Variants in IQCK observed in about 807,000 individuals in gnomAD.
IQCK encodes the protein IQ domain-containing protein K.
IQCK carries 29 observed loss-of-function variants against 28.1 expected under a neutral mutation model. That is an observed-to-expected ratio of 1.03 (90% confidence interval 0.77 to 1.41). The LOEUF (loss-of-function observed/expected upper bound fraction) is 1.41, where lower values mean the gene tolerates loss of function less well. Ranked by LOEUF, IQCK falls within the 40% of genes most tolerant of loss-of-function variation. The probability of loss-of-function intolerance (pLI) is 0.00; values close to 1 mark genes in which losing one functional copy is unlikely to be tolerated. For missense variants in IQCK, 359 were observed against 314.7 expected, an observed-to-expected ratio of 1.14 and a Z score of -1.07; for synonymous variants, 113 against 115.1, an observed-to-expected ratio of 0.98 and a Z score of 0.12.
At chr16:19,779,963 C>T (rs1597552137) in intron 6 of IQCK, among the ~76,000 whole-genome samples, 2 of 151,592 alleles carry the variant, frequency 1.3e-5, no homozygotes, top group African/African-American at 2.4e-5. Flanking sequence ...GTGATCCACC[C>T]GTCTCGGCCT....
At chr16:19,792,828 C>T (rs1303500473) in intron 7 of IQCK, among the ~76,000 whole-genome samples, 2 of 114,614 alleles carry the variant, frequency 1.7e-5, no homozygotes, top group Non-Finnish European at 3.1e-5. Flanking sequence ...ATCCACCTGC[C>T]TCGGCTTCCC....
intron 6 of IQCK, among the ~76,000 whole-genome samples, chr16:19,764,658 C>T (rs889120727): frequency 6.6e-6 from 1 of 150,414 alleles, no homozygotes; most frequent in Non-Finnish European, 1.5e-5. Flanking sequence ...GCTGCTCTGT[C>T]TATGGAGTAG....
intron 9 of IQCK, among the ~76,000 whole-genome samples, chr16:19,853,094 G>A (rs184189792): frequency 1.0e-3 from 154 of 152,252 alleles, no homozygotes; most frequent in African/African-American, 3.3e-3. Flanking sequence ...CCCAGTACAC[G>A]TATGGAAGGG....
intron 1 of IQCK, among the ~76,000 whole-genome samples, chr16:19,730,203 G>A (rs772497421): frequency 1.3e-5 from 2 of 152,144 alleles, no homozygotes; most frequent in Non-Finnish European, 2.9e-5. Flanking sequence ...TGATCCTCCT[G>A]CCTCGGCCTC....
At chr16:19,842,304 T>C (rs1451319220) in intron 9 of IQCK, among the ~76,000 whole-genome samples, 1 of 151,228 alleles carries the variant, frequency 6.6e-6, no homozygotes, top group South Asian at 2.1e-4. Context: ...TGGAGAAATA[T>C]TTGTTTGAGA....
intron 7 of IQCK, among the ~76,000 whole-genome samples, chr16:19,808,350 G>C (rs534626621): frequency 6.6e-6 from 1 of 152,260 alleles, no homozygotes; most frequent in African/African-American, 2.4e-5. Context: ...TATTTGCTCA[G>C]TCACAATGTA....
intron 9 of IQCK, among the ~76,000 whole-genome samples, chr16:19,840,550 A>G (rs2056352915): frequency 6.6e-6 from 1 of 152,232 alleles, no homozygotes; most frequent in Non-Finnish European, 1.5e-5. Flanking sequence ...AATAATAAAA[A>G]GGAGTGTTTG....
At chr16:19,826,616 G>T (rs2032890904) in intron 7 of IQCK, among the ~76,000 whole-genome samples, 1 of 152,198 alleles carries the variant, frequency 6.6e-6, no homozygotes, top group Non-Finnish European at 1.5e-5. Flanking sequence ...GACCTCAGGT[G>T]ATCTGCCAGC....
At chr16:19,844,272 G>T (rs2056391641) in intron 9 of IQCK, among the ~76,000 whole-genome samples, 2 of 152,072 alleles carry the variant, frequency 1.3e-5, no homozygotes, top group Admixed American at 1.3e-4. Flanking sequence ...TAGTGACAGG[G>T]TTTCACTATG....
intron 4 of IQCK, among the ~76,000 whole-genome samples, chr16:19,743,584 G>A (rs1055588816): frequency 6.6e-6 from 1 of 152,226 alleles, no homozygotes; most frequent in Non-Finnish European, 1.5e-5. Flanking sequence ...ATCTTTGGAG[G>A]TGGATGCTAT....
At chr16:19,719,452 G>A (rs546211918) in intron 1 of IQCK, among the ~76,000 whole-genome samples, 3 of 151,646 alleles carry the variant, frequency 2.0e-5, no homozygotes, top group Non-Finnish European at 4.4e-5. Flanking sequence ...TTATCTGGGC[G>A]TGGTGGTGTG....
chr16:19,825,815 G>T lies in IQCK; in HGVS notation c.691-1211G>T, dbSNP rs1161464714. 6.6e-6 allele frequency among the ~76,000 whole-genome samples: 1 copy of T among 152,124 alleles called. No individual in the cohort carries two copies. Among genetic ancestry groups the T allele is most frequent in the Non-Finnish European group, 1.5e-5 (1 of 68,040 alleles). On this transcript the variant is annotated intron_variant, in intron 7 of 7. Transcript: ENST00000564186. This position sits in a 1 kb window ranked among gnomAD's most constrained non-coding sequence, Gnocchi z 4.2. Reference sequence around the variant, plus strand: ...AATCTCAACGTCTAGCACAAAAGTTGGTATGAAGTAAGCAGTCAGTGTTAA... The same window carrying T: ...AATCTCAACGTCTAGCACAAAAGTTTGTATGAAGTAAGCAGTCAGTGTTAA...
rs548042554 is a variant in IQCK, at chr16:19,821,487, G to A, written c.691-5539G>A. ...GACCGAGGCGGGTGGATCACCTGAG[G>A]TCAGGAGTTCAAGACCAGCCTGGCC... On this transcript the variant is annotated intron_variant, in intron 7 of 7. Coordinates refer to ENST00000564186, the Ensembl canonical transcript of IQCK. 2.6e-5 allele frequency among the ~76,000 whole-genome samples: 4 copies of A among 152,200 alleles called. No individual in the cohort carries two copies. In the South Asian group the frequency reaches 8.3e-4, roughly 32 times the overall value.
At chr16:19,768,731 G>A (rs2055277544) in intron 6 of IQCK, among the ~76,000 whole-genome samples, 1 of 152,140 alleles carries the variant, frequency 6.6e-6, no homozygotes, top group Non-Finnish European at 1.5e-5. Flanking sequence ...GGGTGACAGA[G>A]TGAGACTCCA....
chr16:19,778,124 GT>G, intron 6 of IQCK, among the ~76,000 whole-genome samples: 1 of 152,268 alleles, frequency 6.6e-6, no homozygotes, highest in Admixed American at 6.5e-5. Flanking sequence ...TCCAATCTTA[GT>G]TCCACCATTT....
At chr16:19,774,581 C>T (rs1301108476) in intron 6 of IQCK, among the ~76,000 whole-genome samples, 1 of 152,016 alleles carries the variant, frequency 6.6e-6, no homozygotes, top group East Asian at 1.9e-4. Context: ...CCCAGACTGT[C>T]TGGAACTCCT....
exon 10 of IQCK, chr16:19,856,598 A>G: frequency 1.4e-6 from 2 of 1,447,066 alleles, no homozygotes; most frequent in South Asian, 2.3e-5. Context: ...TACCTTGTGC[A>G]AGGAAAATGT....
At chr16:19,799,160 T>A (rs2055724969) in intron 7 of IQCK, among the ~76,000 whole-genome samples, 1 of 117,698 alleles carries the variant, frequency 8.5e-6, no homozygotes, top group South Asian at 2.5e-4. Flanking sequence ...AACACTTTTT[T>A]AAGCCTACTC....
chr16:19,813,616 C>T lies in IQCK; in HGVS notation c.691-13410C>T, dbSNP rs117146171. ...AACAAAGGCATTTAAAAACACATCTCGCATTGAAAGAACTGCTAAATGATA... is the reference window on the plus strand; with the variant it reads ...AACAAAGGCATTTAAAAACACATCTTGCATTGAAAGAACTGCTAAATGATA... On this transcript the variant is annotated intron_variant, in intron 7 of 7. Coordinates refer to ENST00000564186, the Ensembl canonical transcript of IQCK. Among the ~76,000 whole-genome samples the T allele has an allele frequency of 2.6e-3, 390 of 152,280 alleles. 4 individuals are homozygous for T. The highest frequency in any genetic ancestry group is 4.6e-3 in the Non-Finnish European group (312 of 68,034).
Sources: allele counts gnomAD v4.1 joint callset (sites outside exome capture counted in the v4.1 genomes callset), GRCh38; gene constraint gnomAD v4.1.1; non-coding constraint Gnocchi (gnomAD v3.1); transcripts MANE v1.5; gene names NCBI Gene and HGNC (gene_info 2026-07-23, HGNC 2026-07-21).